The following ACSS1 variants were observed in gnomAD, a reference collection of about 807,000 sequenced individuals.
The protein encoded by ACSS1 is acetyl-coenzyme A synthetase 2-like, mitochondrial.
Under a neutral mutation model 75.3 loss-of-function variants are expected in ACSS1, and 42 were observed. The observed-to-expected ratio is 0.56, with a 90% CI of 0.44 to 0.72. ACSS1 has a LOEUF of 0.72. Ranked by LOEUF, ACSS1 falls within the 30% of genes least tolerant of loss-of-function variation. The pLI is 0.00. For missense variants in ACSS1, 782 were observed against 935.7 expected (o/e 0.84, Z 2.14); for synonymous variants, 380 against 376.8 (o/e 1.01, Z -0.10).
intron 1 of ACSS1, among the ~76,000 whole-genome samples, chr20:25,052,106 T>A (rs927654063): frequency 1.3e-5 from 2 of 151,968 alleles, no homozygotes; most frequent in African/African-American, 4.8e-5. Context: ...TCGCACATAG[T>A]TATGGTTCCT....
intron 1 of ACSS1, among the ~76,000 whole-genome samples, chr20:25,055,770 T>G (rs1411862287): frequency 6.6e-6 from 1 of 152,208 alleles, no homozygotes; most frequent in East Asian, 1.9e-4. Flanking sequence ...GATATTCCTT[T>G]GGAACAAGCC....
chr20:25,031,127 A>G (rs1349583029), intron 2 of ACSS1, 169 bp from the exon 3 acceptor site: 3 of 745,154 alleles, frequency 4.0e-6, no homozygotes, highest in Non-Finnish European at 6.9e-6. Context: ...CAGAAAAAGA[A>G]AAGTTTTTAA....
chr20:25,009,651 C>T (rs2088371323), intron 12 of ACSS1: 2 of 466,322 alleles, frequency 4.3e-6, no homozygotes, highest in South Asian at 2.4e-5. Context: ...AGCTCTAATG[C>T]TGACTGGCTG....
At chr20:25,036,519 C>T (rs1021516104) in intron 2 of ACSS1, among the ~76,000 whole-genome samples, 2 of 137,182 alleles carry the variant, frequency 1.5e-5, no homozygotes, top group African/African-American at 5.5e-5. Context: ...GGAAGAAATA[C>T]ACTGGTATTT....
At chr20:25,015,687 G>A (rs938030751) in intron 7 of ACSS1, among the ~76,000 whole-genome samples, 3 of 152,130 alleles carry the variant, frequency 2.0e-5, no homozygotes, top group Non-Finnish European at 2.9e-5. Context: ...GAGACATACC[G>A]TATTTATGGT....
intron 3 of ACSS1, among the ~76,000 whole-genome samples, chr20:25,025,105 G>A (rs1254599058): frequency 6.6e-6 from 1 of 152,218 alleles, no homozygotes; most frequent in Non-Finnish European, 1.5e-5. Context: ...TTTCTCAAGG[G>A]GACGGGAGAC....
chr20:25,021,797 A>C (rs1215523829), intron 5 of ACSS1, among the ~76,000 whole-genome samples: 1 of 152,222 alleles, frequency 6.6e-6, no homozygotes, highest in Non-Finnish European at 1.5e-5. Context: ...ATAAAAGCAA[A>C]AAAGGCCAAG....
At chr20:25,053,729 C>A (rs903461751) in intron 1 of ACSS1, among the ~76,000 whole-genome samples, 1 of 152,142 alleles carries the variant, frequency 6.6e-6, no homozygotes, top group African/African-American at 2.4e-5. Context: ...AGCAAAAGGG[C>A]CTCTGTTCCT....
intron 2 of ACSS1, among the ~76,000 whole-genome samples, chr20:25,041,401 C>T (rs1221743335): frequency 2.0e-5 from 3 of 152,224 alleles, no homozygotes; most frequent in East Asian, 1.9e-4. Context: ...TGCATAAGCT[C>T]ACGGCTGGGC....
intron 7 of ACSS1, among the ~76,000 whole-genome samples, chr20:25,019,633 C>T (rs1392047679): frequency 6.6e-6 from 1 of 152,216 alleles, no homozygotes; most frequent in Non-Finnish European, 1.5e-5. Context: ...ATCCTCCCAC[C>T]TCAGCCTTTG....
chr20:25,034,766 C>G (rs2048262715), intron 2 of ACSS1, among the ~76,000 whole-genome samples: 1 of 152,076 alleles, frequency 6.6e-6, no homozygotes, highest in Admixed American at 6.6e-5. Context: ...CGGGGTTTCT[C>G]CATGTTGGTC....
intron 2 of ACSS1, among the ~76,000 whole-genome samples, chr20:25,033,687 AGC>A (rs2088864703): frequency 2.0e-5 from 3 of 152,236 alleles, no homozygotes; most frequent in Admixed American, 6.5e-5. Context: ...GTCCTCCAGG[AGC>A]ACAGCTCCGA....
At chr20:25,026,328 G>A (rs2088717055) in intron 3 of ACSS1, among the ~76,000 whole-genome samples, 1 of 152,214 alleles carries the variant, frequency 6.6e-6, no homozygotes, top group South Asian at 2.1e-4. Flanking sequence ...GCCACGGACT[G>A]GTTCGGCCAA....
intron 6 of ACSS1, 101 bp downstream of exon 6, chr20:25,021,288 C>G: frequency 2.8e-6 from 4 of 1,453,528 alleles, no homozygotes; most frequent in Non-Finnish European, 3.7e-6. Flanking sequence ...CTCACCAGAA[C>G]CCAGGCGTCC....
At chr20:25,039,972 A>T (rs755686888) in intron 2 of ACSS1, among the ~76,000 whole-genome samples, 1 of 152,184 alleles carries the variant, frequency 6.6e-6, no homozygotes, top group African/African-American at 2.4e-5. Context: ...ACACTGGGGG[A>T]CTGGAGTCCT....
At chr20:25,055,680 C>T (rs747636563) in intron 1 of ACSS1, among the ~76,000 whole-genome samples, 5 of 152,184 alleles carry the variant, frequency 3.3e-5, no homozygotes, top group Non-Finnish European at 4.4e-5. Context: ...TCAGGTAATG[C>T]TGATGCTGCA....
At chr20:25,015,405 C>G (rs2088498686) in intron 7 of ACSS1, among the ~76,000 whole-genome samples, 175 bp from the exon 8 acceptor site, 1 of 152,184 alleles carries the variant, frequency 6.6e-6, no homozygotes, top group Non-Finnish European at 1.5e-5. Context: ...AAGCGATTCT[C>G]CTGCTTCAGC....
At position 25,021,548 on chromosome 20, in the gene ACSS1, G is replaced by A; in HGVS notation, c.961-12C>T. 6.2e-7 allele frequency: 1 copy of A among 1,612,430 alleles called. No homozygotes were observed. Among genetic ancestry groups the A allele is most frequent in the South Asian group, 1.1e-5 (1 of 90,838 alleles). ...TGGTCAAACACAAGCTGCAGAGACAGGAAAGGAGCATCAGGAGCTTGTCCC... is the reference window on the plus strand; with the variant it reads ...TGGTCAAACACAAGCTGCAGAGACAAGAAAGGAGCATCAGGAGCTTGTCCC... On this transcript the variant is annotated splice_polypyrimidine_tract_variant and intron_variant, in intron 5 of 13. Transcript: ENST00000323482.
chr20:25,016,109 G>C (rs1282063634), intron 7 of ACSS1, among the ~76,000 whole-genome samples: 1 of 152,178 alleles, frequency 6.6e-6, no homozygotes, highest in Non-Finnish European at 1.5e-5. Flanking sequence ...TTGCAAAGAA[G>C]ATGGCGAACC....
Sources: gnomAD v4.1 joint callset for allele counts (sites outside exome capture counted in the v4.1 genomes callset) on GRCh38, gnomAD v4.1.1 for gene constraint, MANE v1.5 for transcripts, NCBI Gene and HGNC (gene_info 2026-07-23, HGNC 2026-07-21) for gene names.